ALMS1: variants seen among roughly 807,000 people sequenced by gnomAD.
ALMS1 encodes the protein ALMS1 centrosome and basal body associated protein.
In ALMS1, 271 loss-of-function variants were observed where a neutral mutation model predicts 352.2. That is an observed-to-expected ratio of 0.77 (90% CI 0.70 to 0.85). ALMS1 has a LOEUF of 0.85. Ranked by LOEUF, ALMS1 falls within the 40% of genes least tolerant of loss-of-function variation. The pLI is 0.00. For synonymous variants in ALMS1, 1,865 were observed against 1,761.2 expected (o/e 1.06, Z -1.48); for missense variants, 5,445 against 4,870.7 (o/e 1.12, Z -3.51).
At chr2:73,485,844 C>T (rs113451538) in intron 9 of ALMS1, among the ~76,000 whole-genome samples, 2 of 152,104 alleles carry the variant, frequency 1.3e-5, no homozygotes, top group South Asian at 2.1e-4. Context: ...TTTCCAGGTG[C>T]GTCCGTCACC....
chr2:73,391,354 C>T (rs1172770243), intron 1 of ALMS1, among the ~76,000 whole-genome samples: 5 of 133,662 alleles, frequency 3.7e-5, no homozygotes, highest in East Asian at 2.0e-4. Context: ...AGTGCAGTGG[C>T]GCAATCTCGG....
At chr2:73,465,997 G>C (rs1672333906) in intron 9 of ALMS1, among the ~76,000 whole-genome samples, 1 of 109,978 alleles carries the variant, frequency 9.1e-6, no homozygotes, top group Non-Finnish European at 1.8e-5. Flanking sequence ...AGGTGCTGGA[G>C]AGGATGTGGA....
chr2:73,451,774 T>G lies in ALMS1; in HGVS notation c.5247T>G (p.Thr1749=), dbSNP rs1271339315. ...SAVPQPADQK[T]GLSTVTSSFY... ...TTCCTCAACCAGCTGACCAGAAGAC[T>G]GGGTTATCTACTGTAACTTCCTCTT... Residue 1749 remains threonine (T), a synonymous_variant, in exon 8 of 23, where the codon ACT becomes ACG. Coordinates refer to ENST00000613296, the MANE Select transcript of ALMS1 (RefSeq NM_001378454.1). 18 of 1,614,096 alleles carry G rather than the reference T, an allele frequency of 1.1e-5. No individual in the cohort carries two copies. The highest frequency in any genetic ancestry group is 1.4e-5 in the Non-Finnish European group (17 of 1,180,006).
chr2:73,491,849 C>T (rs190277000), intron 10 of ALMS1, among the ~76,000 whole-genome samples: 1 of 152,186 alleles, frequency 6.6e-6, no homozygotes. Context: ...CACACACATA[C>T]ATGGGTGCTT....
In ALMS1 at chr2:73,452,812, T is replaced by C; in HGVS notation, c.6285T>C (p.Tyr2095=). Residue 2095 remains tyrosine, a synonymous_variant, in exon 8 of 23, where the codon TAT becomes TAC. Transcript: ENST00000613296. The stretch of plus-strand genomic sequence containing the variant: ...AACCAGTATCTCTCTCTAGTTCTTA[T>C]TTTCACAGAGAGAAATCGAATATTT... ...TGKPVSLSSS[Y]FHREKSNIFS... 1.2e-6 allele frequency: 2 copies of C among 1,613,756 alleles called. No individual in the cohort carries two copies. The highest frequency in any genetic ancestry group is 1.7e-6 in the Non-Finnish European group (2 of 1,179,956).
At chr2:73,603,328 C>G (rs114375547) in intron 21 of ALMS1, 24 bp downstream of exon 21, 1 of 1,609,300 alleles carries the variant, frequency 6.2e-7, no homozygotes, top group African/African-American at 1.3e-5. Flanking sequence ...AACAAGAGTA[C>G]GTATACAAGT....
intron 15 of ALMS1, among the ~76,000 whole-genome samples, chr2:73,559,788 G>A (rs952179209): frequency 3.3e-5 from 5 of 152,172 alleles, no homozygotes; most frequent in African/African-American, 9.7e-5. Flanking sequence ...GGAAAGGATA[G>A]TCTCTTCAAC....
At chr2:73,455,639 C>T (rs757996573) in intron 9 of ALMS1, among the ~76,000 whole-genome samples, 4 of 152,160 alleles carry the variant, frequency 2.6e-5, no homozygotes, top group Admixed American at 6.5e-5. Flanking sequence ...TGGATTCAAG[C>T]GATCCTCTTG....
chr2:73,553,701 ATCAC>A (rs1288566950), intron 13 of ALMS1, among the ~76,000 whole-genome samples: 1 of 152,228 alleles, frequency 6.6e-6, no homozygotes. Flanking sequence ...TATTGATTTA[ATCAC>A]TCAGACCATT....
chr2:73,520,520 C>T (rs1032944512), intron 11 of ALMS1, among the ~76,000 whole-genome samples: 1 of 152,170 alleles, frequency 6.6e-6, no homozygotes, highest in Non-Finnish European at 1.5e-5. Context: ...TCTTCTTGCT[C>T]TGTTTTCTTT....
intron 9 of ALMS1, chr2:73,459,058 T>C (rs1672132147): frequency 6.6e-6 from 1 of 152,242 alleles, no homozygotes; most frequent in South Asian, 2.1e-4. Context: ...GTTTGTCATG[T>C]TTTAAATGAT....
chr2:73,524,063 T>C (rs1003940094), intron 11 of ALMS1, among the ~76,000 whole-genome samples: 1 of 152,196 alleles, frequency 6.6e-6, no homozygotes, highest in Admixed American at 6.5e-5. Context: ...ACAAAAATTT[T>C]AAATGACCTA....
intron 21 of ALMS1, among the ~76,000 whole-genome samples, chr2:73,606,027 A>C (rs916997161): frequency 1.3e-5 from 2 of 152,160 alleles, no homozygotes; most frequent in Non-Finnish European, 2.9e-5. Flanking sequence ...GGGACAGCAG[A>C]CTTAATACAG....
At chr2:73,466,651 A>G (rs1672353442) in intron 9 of ALMS1, among the ~76,000 whole-genome samples, 2 of 152,164 alleles carry the variant, frequency 1.3e-5, no homozygotes, top group Non-Finnish European at 2.9e-5. Context: ...TAATAATAAA[A>G]TAAAAAAATT....
At chr2:73,530,476 G>C (rs1673885545) in intron 11 of ALMS1, among the ~76,000 whole-genome samples, 1 of 152,204 alleles carries the variant, frequency 6.6e-6, no homozygotes. Flanking sequence ...CCACCCCTGA[G>C]GTTTTGCAGG....
chr2:73,609,751 C>G lies in ALMS1; in HGVS notation c.*139C>G. On this transcript the variant is annotated 3_prime_UTR_variant, in exon 23 of 23. Transcript: ENST00000613296. ...TTAGAAATAGTAACTTCTAAAGAGT[C>G]TGGAACAAAGTGGTGATTAAAATTC... 1 of 874,852 alleles carries G rather than the reference C, an allele frequency of 1.1e-6. No homozygotes were observed. Among genetic ancestry groups the G allele is most frequent in the South Asian group, 1.5e-5 (1 of 67,816 alleles). The allele number at this position is 874,852 out of a possible 1,614,324, so 54.2% of individuals were successfully genotyped here. A position where few individuals can be genotyped will look rare whatever the true frequency, so the allele number is the denominator to read the frequency against.
chr2:73,563,977 G>C (rs1674725122), intron 15 of ALMS1, among the ~76,000 whole-genome samples: 1 of 151,572 alleles, frequency 6.6e-6, no homozygotes, highest in African/African-American at 2.4e-5. Flanking sequence ...AATTTTTTTT[G>C]TAAGTGAAGT....
intron 12 of ALMS1, among the ~76,000 whole-genome samples, chr2:73,536,430 C>T (rs569091139): frequency 3.3e-5 from 5 of 152,074 alleles, no homozygotes; most frequent in Admixed American, 3.3e-4. Context: ...TAATAAAGTA[C>T]TGTATGCATC....
At chr2:73,575,818 G>C (rs936558114) in intron 16 of ALMS1, among the ~76,000 whole-genome samples, 1 of 151,354 alleles carries the variant, frequency 6.6e-6, no homozygotes, top group African/African-American at 2.4e-5. Context: ...CTGACATATA[G>C]AAGTTTTAAA....
Sources: gnomAD v4.1 joint callset for allele counts (sites outside exome capture counted in the v4.1 genomes callset) on GRCh38, gnomAD v4.1.1 for gene constraint, MANE v1.5 for transcripts, NCBI Gene and HGNC (gene_info 2026-07-23, HGNC 2026-07-21) for gene names.